DACH1: variants seen among roughly 807,000 people sequenced by gnomAD.
DACH1 encodes dachshund homolog 1.
DACH1 carries 12 observed loss-of-function variants against 54.2 expected under a neutral mutation model. The ratio of observed to expected loss-of-function variants is 0.22; its 90% CI spans 0.14 to 0.36. The LOEUF is 0.36. DACH1 is among the 10% of genes least tolerant of loss of function. The pLI, the probability that DACH1 is intolerant of heterozygous loss-of-function variation, is 1.00. For missense variants in DACH1, 805 were observed against 929.8 expected (o/e 0.87, Z 1.75); for synonymous variants, 386 against 366.2 (o/e 1.05, Z -0.62).
At chr13:71,549,499 CTT>C (rs566463655) in intron 6 of DACH1, among the ~76,000 whole-genome samples, 71 of 152,002 alleles carry the variant, frequency 4.7e-4, no homozygotes, top group Non-Finnish European at 9.6e-4. Context: ...GCTCTTGTCT[CTT>C]TGACATATAG....
chr13:71,654,099 A>T (rs569006011), intron 2 of DACH1, among the ~76,000 whole-genome samples: 5 of 152,242 alleles, frequency 3.3e-5, no homozygotes, highest in Admixed American at 6.5e-5. Context: ...CTAAAATTAG[A>T]TGACTAATAG....
chr13:71,677,960 C>T (rs1018173274), intron 2 of DACH1, among the ~76,000 whole-genome samples: 6 of 152,054 alleles, frequency 3.9e-5, no homozygotes, highest in African/African-American at 7.2e-5. Context: ...CCTCATGATC[C>T]GCCTGTCTCA....
chr13:71,766,301 C>G (rs1232104460), intron 1 of DACH1, among the ~76,000 whole-genome samples: 1 of 152,178 alleles, frequency 6.6e-6, no homozygotes, highest in East Asian at 1.9e-4. Context: ...ACCTTAGAAT[C>G]TATAATCACT....
At chr13:71,686,530 C>CA (rs1209956668) in intron 1 of DACH1, among the ~76,000 whole-genome samples, 2 of 152,038 alleles carry the variant, frequency 1.3e-5, no homozygotes, top group Non-Finnish European at 2.9e-5. Flanking sequence ...AAGGTGAAGT[C>CA]AAAATTGAAC....
At chr13:71,789,973 A>C (rs1886768086) in intron 1 of DACH1, among the ~76,000 whole-genome samples, 1 of 152,144 alleles carries the variant, frequency 6.6e-6, no homozygotes, top group African/African-American at 2.4e-5. Flanking sequence ...TTATTTATTC[A>C]CAGAAAGGAC....
intron 1 of DACH1, among the ~76,000 whole-genome samples, chr13:71,696,091 G>A (rs1434142969): frequency 1.3e-5 from 2 of 152,078 alleles, no homozygotes; most frequent in Non-Finnish European, 2.9e-5. Flanking sequence ...AAGGGCTAAG[G>A]GATGCCAATC....
chr13:71,793,882 C>T (rs1886931943), intron 1 of DACH1, among the ~76,000 whole-genome samples: 1 of 152,096 alleles, frequency 6.6e-6, no homozygotes, highest in Non-Finnish European at 1.5e-5. Context: ...AGTAACTTGA[C>T]CAAGGTCGTA....
intron 3 of DACH1, among the ~76,000 whole-genome samples, chr13:71,581,693 G>A (rs1872863896): frequency 6.6e-6 from 1 of 151,884 alleles, no homozygotes; most frequent in Admixed American, 6.6e-5. Context: ...TATGAAAGAT[G>A]AATTCAGCAT....
chr13:71,677,587 A>T lies in DACH1; in HGVS notation c.964+4208T>A, dbSNP rs538135671. Among the ~76,000 whole-genome samples the T allele has an allele frequency of 9.9e-4, 150 of 152,156 alleles. 1 individual carries two copies. Among genetic ancestry groups the T allele is most frequent in the Admixed American group, 4.8e-3 (73 of 15,264 alleles). ...AAGACTGGGAAAATACATTTTTTTT[A>T]AAAAAAGTCTTTTTTTTCCTAAGAA... On this transcript the variant is annotated intron_variant, in intron 2 of 10. Transcript: ENST00000613252.
intron 6 of DACH1, among the ~76,000 whole-genome samples, chr13:71,531,052 C>A (rs1206532074): frequency 6.6e-6 from 1 of 151,900 alleles, no homozygotes; most frequent in Non-Finnish European, 1.5e-5. Context: ...ATAACTATAT[C>A]AAAAGTGAGA....
chr13:71,471,463 G>A (rs1052950640), intron 10 of DACH1, among the ~76,000 whole-genome samples: 4 of 151,974 alleles, frequency 2.6e-5, no homozygotes, highest in South Asian at 2.1e-4. Flanking sequence ...AAATATGTAA[G>A]TTAAAGAAAC....
intron 2 of DACH1, among the ~76,000 whole-genome samples, chr13:71,659,887 G>A (rs1417788885): frequency 6.6e-6 from 1 of 152,024 alleles, no homozygotes. Flanking sequence ...GTTTTTAGAT[G>A]TTCATGTTTC....
intron 1 of DACH1, among the ~76,000 whole-genome samples, chr13:71,758,931 C>CT (rs71751089): frequency 0.3 from 43,558 of 145,606 alleles, 6,735 homozygotes; most frequent in Non-Finnish European, 0.33. Flanking sequence ...CAGTCTTTGT[C>CT]TTTTTTTTTT....
intron 2 of DACH1, among the ~76,000 whole-genome samples, chr13:71,657,107 T>A (rs1240846556): frequency 6.6e-6 from 1 of 151,186 alleles, no homozygotes; most frequent in East Asian, 2.0e-4. Flanking sequence ...AAATTATTGA[T>A]CAAGTCAACT....
chr13:71,680,581 G>A (rs1880840126), intron 2 of DACH1, among the ~76,000 whole-genome samples: 1 of 152,048 alleles, frequency 6.6e-6, no homozygotes, highest in Admixed American at 6.6e-5. Flanking sequence ...TACAGCCCAG[G>A]TAATAGAGGG....
intron 1 of DACH1, among the ~76,000 whole-genome samples, chr13:71,854,109 C>A (rs1428592664): frequency 6.6e-6 from 1 of 151,998 alleles, no homozygotes; most frequent in Non-Finnish European, 1.5e-5. Flanking sequence ...ATCAAATATG[C>A]CATTTTAATT....
chr13:71,521,381 T>C (rs563981053), intron 6 of DACH1, among the ~76,000 whole-genome samples: 7 of 152,164 alleles, frequency 4.6e-5, no homozygotes, highest in Non-Finnish European at 8.8e-5. Flanking sequence ...TGAATATGGA[T>C]ATGGATGTAG....
chr13:71,666,905 G>A (rs1879876548), intron 2 of DACH1, among the ~76,000 whole-genome samples: 1 of 152,124 alleles, frequency 6.6e-6, no homozygotes, highest in Non-Finnish European at 1.5e-5. Context: ...GAATCTGGAA[G>A]GCAGAGGTTG....
At chr13:71,569,557 C>T (rs1428720495) in intron 4 of DACH1, among the ~76,000 whole-genome samples, 3 of 152,106 alleles carry the variant, frequency 2.0e-5, no homozygotes, top group Non-Finnish European at 2.9e-5. Flanking sequence ...TTTCACCCAA[C>T]GTTGGCAGCT....
Sources: gnomAD v4.1 joint callset for allele counts (sites outside exome capture counted in the v4.1 genomes callset) on GRCh38, gnomAD v4.1.1 for gene constraint, MANE v1.5 for transcripts, NCBI Gene and HGNC (gene_info 2026-07-23, HGNC 2026-07-21) for gene names.